The following ZNF148 variants were observed in gnomAD, a reference collection of about 807,000 sequenced individuals.
ZNF148 encodes zinc finger protein 148.
In ZNF148, 7 loss-of-function variants were observed where a neutral mutation model predicts 67.7. The observed-to-expected ratio is 0.10, with a 90% confidence interval of 0.06 to 0.19. The LOEUF is 0.19. ZNF148 is among the 10% of genes least tolerant of loss of function. The pLI is 1.00. For missense variants in ZNF148, 583 were observed against 947.1 expected (o/e 0.62, Z 5.05); for synonymous variants, 333 against 330.7 (o/e 1.01, Z -0.08).
chr3:125,340,363 A>G (rs1941661940), intron 1 of ZNF148, among the ~76,000 whole-genome samples: 1 of 152,198 alleles, frequency 6.6e-6, no homozygotes, highest in African/African-American at 2.4e-5. Flanking sequence ...GCTGTTTTCC[A>G]CCTAGAGACA....
At position 125,313,494 on chromosome 3, in the gene ZNF148, A is replaced by G. The variant is rs140596134; in HGVS notation, c.147T>C (p.Asp49=). 8.9e-5 allele frequency: 143 copies of G among 1,614,016 alleles called. No individual in the cohort carries two copies. The highest frequency in any genetic ancestry group is 1.0e-5 in the Non-Finnish European group (12 of 1,180,036). ...SGELQDSVLQ[D]RSMPHQEILA... is the part of the protein sequence containing the mutation. ...GGATCTCCTGGTGAGGCATACTTCG[A>G]TCTTGAAGTACTGAATCCTGTAGCT... Residue 49 remains aspartate, a synonymous_variant, in exon 4 of 9, where the codon GAT becomes GAC. Transcript: ENST00000360647.
chr3:125,278,049 G>C (rs1298935786), intron 6 of ZNF148, among the ~76,000 whole-genome samples: 1 of 151,974 alleles, frequency 6.6e-6, no homozygotes, highest in Non-Finnish European at 1.5e-5. Flanking sequence ...ATATTCAAGG[G>C]GGGGAAGGAA....
intron 3 of ZNF148, among the ~76,000 whole-genome samples, chr3:125,314,614 A>G (rs1451171449): frequency 6.6e-6 from 1 of 152,230 alleles, no homozygotes; most frequent in Non-Finnish European, 1.5e-5. Context: ...AAAACCTTAT[A>G]AACAGCAAAA....
intron 1 of ZNF148, among the ~76,000 whole-genome samples, chr3:125,346,166 A>C (rs1350242125): frequency 6.6e-6 from 1 of 152,238 alleles, no homozygotes; most frequent in Non-Finnish European, 1.5e-5. Flanking sequence ...AGGTTGGCTT[A>C]AGATTTGAAA....
chr3:125,295,548 C>G (rs184101998), intron 4 of ZNF148, among the ~76,000 whole-genome samples: 20 of 151,790 alleles, frequency 1.3e-4, no homozygotes, highest in Non-Finnish European at 2.2e-4. Context: ...GCTAGGTGAA[C>G]TTGGCTTCCA....
Position 125,233,874 on chromosome 3 carries a change from T to A in ZNF148, c.852A>T (p.Lys284Asn). The change falls in exon 9 of 9, where the codon AAA (lysine) becomes AAT (asparagine). Residue 284 changes from lysine (K) to asparagine (N), a missense_variant. Coordinates refer to ENST00000360647, the MANE Select transcript of ZNF148 (RefSeq NM_021964.3). This position sits in a 1 kb window ranked among gnomAD's most constrained non-coding sequence, Gnocchi z 5.1. ...KRMCHENHDKKLNRCAIKGGL... is the reference protein window; with the variant it reads ...KRMCHENHDKNLNRCAIKGGL... ...CACCTTTGATGGCACATCTATTTAG[T>A]TTTTTGTCATGATTTTCATGGCACA... is the stretch of plus-strand genomic sequence containing the variant. The A allele has an allele frequency of 6.2e-7, 1 of 1,612,698 alleles. No homozygotes were observed. Among genetic ancestry groups the A allele is most frequent in the Non-Finnish European group, 8.5e-7 (1 of 1,179,680 alleles).
chr3:125,323,491 G>A, intron 2 of ZNF148, 47 bp from the exon 3 acceptor site: 1 of 630,490 alleles, frequency 1.6e-6, no homozygotes, highest in Non-Finnish European at 2.8e-6. Flanking sequence ...GGTAGGAAAA[G>A]ATACTATACA....
At chr3:125,259,371 G>A (rs1268516646) in intron 7 of ZNF148, among the ~76,000 whole-genome samples, 4 of 152,204 alleles carry the variant, frequency 2.6e-5, no homozygotes, top group Admixed American at 1.3e-4. Context: ...CAAGGACACA[G>A]ATCAACCAGA....
chr3:125,254,557 T>C (rs904631479), intron 7 of ZNF148, among the ~76,000 whole-genome samples: 1 of 152,218 alleles, frequency 6.6e-6, no homozygotes, highest in African/African-American at 2.4e-5. Context: ...TTAAAATTTT[T>C]TGAAAAATCT....
chr3:125,305,696 C>G (rs1939837361), intron 4 of ZNF148, among the ~76,000 whole-genome samples: 1 of 150,776 alleles, frequency 6.6e-6, no homozygotes, highest in African/African-American at 2.4e-5. Flanking sequence ...GCCTGTAGAC[C>G]AGGTAGCTCA....
At chr3:125,335,628 G>T (rs528565048) in intron 1 of ZNF148, among the ~76,000 whole-genome samples, 1 of 152,242 alleles carries the variant, frequency 6.6e-6, no homozygotes, top group South Asian at 2.1e-4. Context: ...TTTCCATTCT[G>T]TGTTTAAAAA....
chr3:125,289,893 G>T (rs548645372), intron 4 of ZNF148, among the ~76,000 whole-genome samples: 16 of 152,018 alleles, frequency 1.1e-4, no homozygotes, highest in South Asian at 2.1e-4. Context: ...AGATTAACAC[G>T]TATATCTGAA....
rs1936807417 is a variant in ZNF148, at chr3:125,250,784, C to G, written c.668-16455G>C. ...ATCACAATCAAGACAATATATTTAT[C>G]TTAAACCACAAAATTTCCTTTTATT... is the stretch of plus-strand genomic sequence containing the variant. On this transcript the variant is annotated intron_variant, in intron 7 of 8. Transcript: ENST00000360647. 3.3e-5 allele frequency among the ~76,000 whole-genome samples: 5 copies of G among 152,230 alleles called. 2 individuals are homozygous for G. In the South Asian group the frequency reaches 1.0e-3, roughly 32 times the overall value.
chr3:125,296,315 G>C (rs1386654235), intron 4 of ZNF148, among the ~76,000 whole-genome samples: 1 of 152,042 alleles, frequency 6.6e-6, no homozygotes, highest in Non-Finnish European at 1.5e-5. Context: ...GTAGAGACAG[G>C]GTTGGCCATG....
intron 5 of ZNF148, among the ~76,000 whole-genome samples, chr3:125,284,335 G>A (rs761061166): frequency 6.6e-6 from 1 of 152,098 alleles, no homozygotes; most frequent in Non-Finnish European, 1.5e-5. Context: ...AAGTTTTCAA[G>A]CTTAAGAGTA....
chr3:125,323,498 T>C (rs904064443), intron 2 of ZNF148, 54 bp from the exon 3 acceptor site: 4 of 614,766 alleles, frequency 6.5e-6, no homozygotes, highest in African/African-American at 3.7e-5. Context: ...AAAGATACTA[T>C]ACAAATATAA....
At position 125,242,351 on chromosome 3, in the gene ZNF148, T is replaced by C. The variant is rs144257454; in HGVS notation, c.668-8022A>G. Among the ~76,000 whole-genome samples, 300 of 152,362 alleles carry C rather than the reference T, an allele frequency of 2.0e-3. 3 individuals carry two copies. Among genetic ancestry groups the C allele is most frequent in the African/African-American group, 6.5e-3 (270 of 41,588 alleles). ...AAATCTCTCATATGGCCGGGTGCAG[T>C]GGCTCATGCCTATAATCCCAGCACT... On this transcript the variant is annotated intron_variant, in intron 7 of 8. Transcript: ENST00000360647.
At chr3:125,317,397 G>A (rs539268351) in intron 3 of ZNF148, among the ~76,000 whole-genome samples, 2 of 151,994 alleles carry the variant, frequency 1.3e-5, no homozygotes, top group South Asian at 2.1e-4. Context: ...CAACCTTATG[G>A]GTTTATTCAT....
intron 6 of ZNF148, 74 bp from the exon 7 acceptor site, chr3:125,277,883 G>T (rs548015298): frequency 1.3e-5 from 17 of 1,282,800 alleles, no homozygotes; most frequent in Non-Finnish European, 1.6e-5. Context: ...TCTGAGGAAA[G>T]AAAAATCTTA....
Sources: allele counts gnomAD v4.1 joint callset (sites outside exome capture counted in the v4.1 genomes callset), GRCh38; gene constraint gnomAD v4.1.1; non-coding constraint Gnocchi (gnomAD v3.1); transcripts MANE v1.5; gene names NCBI Gene and HGNC (gene_info 2026-07-23, HGNC 2026-07-21).